Variants in NRG3 observed in about 807,000 individuals in gnomAD.
NRG3 encodes the protein pro-neuregulin-3, membrane-bound isoform.
In NRG3, 31 loss-of-function variants were observed where a neutral mutation model predicts 66.9. The ratio of observed to expected loss-of-function variants is 0.46; its 90% confidence interval spans 0.35 to 0.63. NRG3 has a LOEUF of 0.63. Among genes scored for constraint, NRG3 ranks in the 20% least tolerant of loss-of-function variants. The probability of loss-of-function intolerance (pLI) is 0.00; values close to 1 mark genes in which losing one functional copy is unlikely to be tolerated. For synonymous variants in NRG3, 393 were observed against 359.4 expected (o/e 1.09, Z -1.06); for missense variants, 910 against 878.9 (o/e 1.04, Z -0.45).
chr10:82,713,483 A>T (rs895278234), intron 2 of NRG3, among the ~76,000 whole-genome samples: 3 of 152,192 alleles, frequency 2.0e-5, no homozygotes, highest in Non-Finnish European at 2.9e-5. Context: ...GAAAGGAGTC[A>T]TGGATGCTTT....
At chr10:82,742,117 CCT>C (rs957846754) in intron 3 of NRG3, among the ~76,000 whole-genome samples, 1 of 152,058 alleles carries the variant, frequency 6.6e-6, no homozygotes, top group African/African-American at 2.4e-5. Flanking sequence ...TTCCTTCCTC[CCT>C]CTCTCTCGTC....
intron 1 of NRG3, among the ~76,000 whole-genome samples, chr10:82,317,896 G>GA (rs1308268793): frequency 6.6e-6 from 1 of 151,576 alleles, no homozygotes; most frequent in Non-Finnish European, 1.5e-5. Context: ...GGAAGGCAGG[G>GA]AAAAAATAGT....
At chr10:82,571,413 A>T (rs1244314290) in intron 2 of NRG3, among the ~76,000 whole-genome samples, 1 of 151,692 alleles carries the variant, frequency 6.6e-6, no homozygotes. Context: ...CATCTAGGTT[A>T]TGGAGCAGTA....
intron 2 of NRG3, among the ~76,000 whole-genome samples, chr10:82,415,927 T>C (rs907645545): frequency 2.0e-5 from 3 of 152,216 alleles, no homozygotes; most frequent in African/African-American, 7.2e-5. Flanking sequence ...ATTTTTGGCA[T>C]ACACAGTTGT....
chr10:82,554,314 A>T (rs1382496576), intron 2 of NRG3, among the ~76,000 whole-genome samples: 1 of 152,174 alleles, frequency 6.6e-6, no homozygotes, highest in Non-Finnish European at 1.5e-5. Flanking sequence ...TCAACGTTTG[A>T]GGTAATGGAT....
Position 82,985,192 on chromosome 10 carries a change from C to T in NRG3, c.1678C>T (p.Gln560Ter). 6.2e-7 allele frequency: 1 copy of T among 1,614,126 alleles called. No individual in the cohort carries two copies. The highest frequency in any genetic ancestry group is 8.5e-7 in the Non-Finnish European group (1 of 1,180,002). Residue 560 changes from glutamine (Q) to a stop codon, truncating the protein, a stop_gained, in exon 9 of 9, where the codon CAA (glutamine) becomes TAA (stop). Transcript: ENST00000372141. LOFTEE classifies it high-confidence loss of function. ...AAACCCCTATTTTAATAGCTTGGAG[C>T]AAAAGGACCTGGTGGGCTATTCATC... ...ETNPYFNSLE[Q>*]KDLVGYSSTR...
At chr10:82,203,773 A>G (rs1394638063) in intron 1 of NRG3, among the ~76,000 whole-genome samples, 1 of 152,192 alleles carries the variant, frequency 6.6e-6, no homozygotes, top group Non-Finnish European at 1.5e-5. Flanking sequence ...TCTTTGATGA[A>G]CAAGGAATCA....
intron 3 of NRG3, among the ~76,000 whole-genome samples, chr10:82,768,498 C>G (rs959653221): frequency 6.6e-6 from 1 of 152,060 alleles, no homozygotes; most frequent in Admixed American, 6.6e-5. Context: ...TGGTTAATCC[C>G]TCATCCTTAG....
chr10:82,917,789 G>T (rs112533996), intron 4 of NRG3, among the ~76,000 whole-genome samples: 3,242 of 152,014 alleles, frequency 0.021, 132 homozygotes, highest in African/African-American at 0.074. Flanking sequence ...GTAAAATTCA[G>T]AAAATGGTGT....
intron 7 of NRG3, 133 bp downstream of exon 7, chr10:82,974,048 A>G: frequency 3.1e-6 from 3 of 983,162 alleles, no homozygotes; most frequent in Non-Finnish European, 4.5e-6. Context: ...TCTGTGGAGT[A>G]AATGCTCAAA....
intron 2 of NRG3, among the ~76,000 whole-genome samples, chr10:82,561,799 A>C (rs1235015561): frequency 6.6e-6 from 1 of 152,212 alleles, no homozygotes; most frequent in Admixed American, 6.5e-5. Flanking sequence ...GTGTAAAATA[A>C]CCTTAACTGT....
In NRG3 at chr10:82,369,533, C is replaced by G. The variant is rs2084753352; in HGVS notation, c.953+10665C>G. ...CAGGCTGGTCACAAACTCCTGGCCA[C>G]AAGTGATCCTCCTTCCTTGGCTTCC... On this transcript the variant is annotated intron_variant, in intron 2 of 8. Transcript: ENST00000372141. Among the ~76,000 whole-genome samples, 3 of 138,052 alleles carry G rather than the reference C, an allele frequency of 2.2e-5. 1 individual carries two copies. The South Asian group carries it at 6.4e-4, about 29-fold the overall frequency. The allele number at this position is 138,052 out of a possible 152,430, so 90.6% of individuals were successfully genotyped here. A position where few individuals can be genotyped will look rare whatever the true frequency, so the allele number is the denominator to read the frequency against.
chr10:82,136,129 A>G (rs2069329394), intron 1 of NRG3, among the ~76,000 whole-genome samples: 2 of 152,198 alleles, frequency 1.3e-5, no homozygotes, highest in African/African-American at 4.8e-5. Context: ...GGTCTTGGGT[A>G]AAACCTGAGA....
intron 1 of NRG3, among the ~76,000 whole-genome samples, chr10:82,082,944 ATTCT>A (rs1264862648): frequency 6.6e-6 from 1 of 150,982 alleles, no homozygotes; most frequent in Non-Finnish European, 1.5e-5. Flanking sequence ...TGATTATGAC[ATTCT>A]TTTTTTTTTT....
intron 1 of NRG3, among the ~76,000 whole-genome samples, chr10:81,916,901 T>C (rs1426572017): frequency 6.6e-6 from 1 of 152,212 alleles, no homozygotes; most frequent in African/African-American, 2.4e-5. Flanking sequence ...AAATAGGCAC[T>C]ATTATTATCT....
rs1469408524 is a variant in NRG3, at chr10:82,761,973, TTTTC to T, written c.1027+23334_1027+23337del. Among the ~76,000 whole-genome samples the T allele has an allele frequency of 1.1e-3, 132 of 115,346 alleles. 1 individual carries two copies. Among genetic ancestry groups the T allele is most frequent in the Admixed American group, 1.8e-3 (21 of 11,674 alleles). The allele number at this position is 115,346 out of a possible 152,430, so 75.7% of individuals were successfully genotyped here. On this transcript the variant is annotated intron_variant, in intron 3 of 8. Coordinates refer to ENST00000372141, the MANE Select transcript of NRG3 (RefSeq NM_001010848.4). ...CTTTCTTTCTTTCTTTCTTTCTTTC[TTTTC>T]TTTCTTTCTTCTTTCTTTTCCTTTC...
At chr10:82,534,214 T>A (rs2132676634) in intron 2 of NRG3, among the ~76,000 whole-genome samples, 1 of 150,574 alleles carries the variant, frequency 6.6e-6, no homozygotes, top group South Asian at 2.1e-4. Flanking sequence ...TTCAATGCAA[T>A]CTGCATCAAA....
At position 81,878,121 on chromosome 10, in the gene NRG3, C is replaced by G. The variant is rs1297489352; in HGVS notation, c.823+1958C>G. 1.7e-5 allele frequency: 25 copies of G among 1,487,168 alleles called. No individual in the cohort carries two copies. In the Admixed American group the frequency reaches 5.5e-4, roughly 33 times the overall value. The allele number at this position is 1,487,168 out of a possible 1,614,324, so 92.1% of individuals were successfully genotyped here. On this transcript the variant is annotated intron_variant, in intron 1 of 8. Transcript: ENST00000372141. ...GTAATTATTTCTACCCCTCTATGCT[C>G]TCTTCCTACATTCCGTGGACGGGAA...
intron 2 of NRG3, among the ~76,000 whole-genome samples, chr10:82,515,818 A>C (rs963891345): frequency 7.9e-5 from 12 of 152,154 alleles, no homozygotes; most frequent in African/African-American, 2.9e-4. Context: ...TAGTATCCCC[A>C]TTCAGGGCCA....
Sources: gnomAD v4.1 joint callset for allele counts (sites outside exome capture counted in the v4.1 genomes callset) on GRCh38, gnomAD v4.1.1 for gene constraint, MANE v1.5 for transcripts, NCBI Gene and HGNC (gene_info 2026-07-23, HGNC 2026-07-21) for gene names.